ZPBP: variants seen among roughly 807,000 people sequenced by gnomAD.
The protein encoded by ZPBP is zona pellucida-binding protein 1.
A neutral mutation model predicts 44.8 loss-of-function variants in ZPBP; 26 were observed. The observed-to-expected ratio is 0.58, with a 90% confidence interval of 0.43 to 0.81. ZPBP has a LOEUF of 0.81. Ranked by LOEUF, ZPBP falls within the 30% of genes least tolerant of loss-of-function variation. The pLI is 0.00. For missense variants in ZPBP, 409 were observed against 434.0 expected (o/e 0.94, Z 0.51); for synonymous variants, 174 against 153.2 (o/e 1.14, Z -1.00).
At chr7:50,031,070 C>T in intron 5 of ZPBP, 22 bp downstream of exon 5, 1 of 1,608,740 alleles carries the variant, frequency 6.2e-7, no homozygotes, top group Non-Finnish European at 8.5e-7. Context: ...ATTTGCTTTT[C>T]TAACAAATTG....
intron 6 of ZPBP, among the ~76,000 whole-genome samples, chr7:50,015,830 A>C (rs1161176714): frequency 2.6e-5 from 4 of 152,168 alleles, no homozygotes; most frequent in African/African-American, 9.6e-5. Context: ...ATCACTAATC[A>C]TGAGAGAAAA....
chr7:49,922,955 A>G (rs758715084), intron 1 of ZPBP, among the ~76,000 whole-genome samples: 1 of 152,256 alleles, frequency 6.6e-6, no homozygotes, highest in Non-Finnish European at 1.5e-5. Context: ...AAAATTGAAA[A>G]GAACCAAAAA....
In ZPBP at chr7:49,862,464, T is replaced by C. The variant is rs933441438; in HGVS notation, n.510-11950A>G. 9.2e-5 allele frequency among the ~76,000 whole-genome samples: 14 copies of C among 152,280 alleles called. No individual in the cohort carries two copies. The South Asian group carries it at 2.9e-3, about 32-fold the overall frequency. On this transcript the variant is annotated intron_variant and non_coding_transcript_variant, in intron 2 of 2. Transcript: ENST00000465922. ...TTCCAATTTGGATGCTTTTATTTTC[T>C]TTGCCTAGTTGTTCTGGCTAGAACT...
intron 2 of ZPBP, among the ~76,000 whole-genome samples, chr7:49,890,757 C>T (rs1792094246): frequency 6.6e-6 from 1 of 151,464 alleles, no homozygotes; most frequent in Non-Finnish European, 1.5e-5. Context: ...GATTTGAAAG[C>T]ATGAGAGAAC....
chr7:49,991,576 CTTTG>C (rs1478112012), intron 6 of ZPBP, among the ~76,000 whole-genome samples: 1 of 152,044 alleles, frequency 6.6e-6, no homozygotes. Flanking sequence ...TCCATTCTTC[CTTTG>C]TTTTTTCTCC....
At chr7:49,910,207 C>T (rs964254414) in intron 1 of ZPBP, among the ~76,000 whole-genome samples, 2 of 152,254 alleles carry the variant, frequency 1.3e-5, no homozygotes, top group Non-Finnish European at 1.5e-5. Flanking sequence ...CATCCAGAAG[C>T]GGGGGCCCTC....
chr7:49,919,788 T>A (rs1793931261), intron 1 of ZPBP: 1 of 152,334 alleles, frequency 6.6e-6, no homozygotes. Flanking sequence ...CAGGTCTATC[T>A]ATTGCTCCCA....
intron 2 of ZPBP, among the ~76,000 whole-genome samples, chr7:49,885,337 C>T (rs1240043686): frequency 6.6e-6 from 1 of 151,868 alleles, no homozygotes; most frequent in East Asian, 1.9e-4. Flanking sequence ...TAAACCACAA[C>T]CTAATTTTTA....
intron 2 of ZPBP, among the ~76,000 whole-genome samples, chr7:49,863,149 A>G (rs896889598): frequency 6.6e-6 from 1 of 152,136 alleles, no homozygotes; most frequent in African/African-American, 2.4e-5. Flanking sequence ...TTCACTTGTT[A>G]TAGGTGTTTT....
intron 7 of ZPBP, among the ~76,000 whole-genome samples, chr7:49,941,325 G>T (rs1794875083): frequency 1.3e-5 from 2 of 152,062 alleles, no homozygotes; most frequent in African/African-American, 4.8e-5. Context: ...GGATCTCTAG[G>T]AAGTATTGCA....
At chr7:49,872,519 C>T (rs537039904) in intron 2 of ZPBP, among the ~76,000 whole-genome samples, 8 of 150,762 alleles carry the variant, frequency 5.3e-5, no homozygotes, top group Non-Finnish European at 7.4e-5. Flanking sequence ...CTATGGCTTA[C>T]GGGGAATGAA....
intron 3 of ZPBP, among the ~76,000 whole-genome samples, chr7:50,079,669 G>T (rs1317324702): frequency 6.6e-6 from 1 of 151,642 alleles, no homozygotes; most frequent in Non-Finnish European, 1.5e-5. Context: ...ATAATGTATT[G>T]TATACTTGAA....
intron 2 of ZPBP, among the ~76,000 whole-genome samples, chr7:49,860,202 A>C (rs1404313190): frequency 6.6e-6 from 1 of 151,994 alleles, no homozygotes. Context: ...TATTTCCAAA[A>C]TTTTTCATCA....
At chr7:49,991,054 T>C (rs532973556) in intron 6 of ZPBP, among the ~76,000 whole-genome samples, 3 of 152,256 alleles carry the variant, frequency 2.0e-5, no homozygotes, top group Middle Eastern at 3.4e-3. Flanking sequence ...TCTTTGAATA[T>C]CTCTGATTAA....
chr7:50,024,765 C>T (rs556409468), intron 5 of ZPBP, among the ~76,000 whole-genome samples: 8 of 151,822 alleles, frequency 5.3e-5, no homozygotes, highest in Non-Finnish European at 7.4e-5. Flanking sequence ...ATGTACCACA[C>T]GAGGACTCTA....
chr7:50,062,410 C>T (rs1433378096), intron 3 of ZPBP, among the ~76,000 whole-genome samples: 2 of 152,148 alleles, frequency 1.3e-5, no homozygotes, highest in Non-Finnish European at 2.9e-5. Flanking sequence ...TAACACACTA[C>T]CTGACTTCAA....
intron 6 of ZPBP, among the ~76,000 whole-genome samples, chr7:50,004,553 T>C (rs184994832): frequency 7.2e-4 from 109 of 152,228 alleles, no homozygotes; most frequent in Non-Finnish European, 1.2e-3. Flanking sequence ...ATATATCCTA[T>C]TGGATCTGTC....
At chr7:49,943,915 C>T in intron 7 of ZPBP, 1 of 302,374 alleles carries the variant, frequency 3.3e-6, no homozygotes, top group Non-Finnish European at 6.4e-6. Flanking sequence ...TTTCTAGAAA[C>T]TGGTCTAGCT....
At chr7:50,029,566 C>T (rs754500068) in intron 5 of ZPBP, among the ~76,000 whole-genome samples, 12 of 152,070 alleles carry the variant, frequency 7.9e-5, no homozygotes, top group Non-Finnish European at 1.5e-5. Flanking sequence ...ATTTGCATAT[C>T]GCATATTAAC....
Sources: allele counts gnomAD v4.1 joint callset (sites outside exome capture counted in the v4.1 genomes callset), GRCh38; gene constraint gnomAD v4.1.1; transcripts MANE v1.5; gene names NCBI Gene and HGNC (gene_info 2026-07-23, HGNC 2026-07-21).